Variants in R3HDM1 observed in about 807,000 individuals in gnomAD.
The protein encoded by R3HDM1 is R3H domain containing 1.
Under a neutral mutation model 141.1 loss-of-function variants are expected in R3HDM1, and 46 were observed. The ratio of observed to expected loss-of-function variants is 0.33; its 90% CI spans 0.26 to 0.42. The LOEUF (loss-of-function observed/expected upper bound fraction) is 0.42. R3HDM1 is among the 10% of genes least tolerant of loss of function. R3HDM1 has a pLI of 1.00. For synonymous variants in R3HDM1, 435 were observed against 472.9 expected (o/e 0.92, Z 1.04); for missense variants, 1,184 against 1,368.3 (o/e 0.87, Z 2.12).
chr2:135,649,562 TTGCTTTTAC>T (rs906234480), intron 16 of R3HDM1, among the ~76,000 whole-genome samples: 7 of 152,160 alleles, frequency 4.6e-5, no homozygotes, highest in African/African-American at 1.2e-4. Flanking sequence ...AGAAGTAGTT[TTGCTTTTAC>T]TGACTTAACC....
intron 18 of R3HDM1, among the ~76,000 whole-genome samples, chr2:135,660,009 C>T (rs1223983230): frequency 6.6e-6 from 1 of 152,052 alleles, no homozygotes; most frequent in Non-Finnish European, 1.5e-5. Context: ...TGATACATGA[C>T]TGTATGAGAA....
At chr2:135,562,743 C>G (rs1222294108) in intron 1 of R3HDM1, among the ~76,000 whole-genome samples, 3 of 152,198 alleles carry the variant, frequency 2.0e-5, no homozygotes, top group Admixed American at 6.5e-5. Context: ...CATACTTTAT[C>G]AGGTATCTTT....
At chr2:135,599,782 C>T (rs935374827) in intron 1 of R3HDM1, among the ~76,000 whole-genome samples, 4 of 152,196 alleles carry the variant, frequency 2.6e-5, no homozygotes, top group African/African-American at 7.2e-5. Flanking sequence ...CCTGTAATCC[C>T]GGCACTTTGG....
chr2:135,567,843 A>C (rs959474819), intron 1 of R3HDM1, among the ~76,000 whole-genome samples: 5 of 149,608 alleles, frequency 3.3e-5, no homozygotes, highest in African/African-American at 1.2e-4. Flanking sequence ...GGGCTCAGGT[A>C]ATTCTCGCAC....
chr2:135,716,026 T>A (rs1333251786), intron 24 of R3HDM1, among the ~76,000 whole-genome samples: 2 of 152,218 alleles, frequency 1.3e-5, no homozygotes, highest in East Asian at 3.8e-4. Flanking sequence ...TAGAGTAATA[T>A]ATATCAAAAG....
At chr2:135,557,036 T>G (rs1410030185) in intron 1 of R3HDM1, among the ~76,000 whole-genome samples, 1 of 152,226 alleles carries the variant, frequency 6.6e-6, no homozygotes, top group Non-Finnish European at 1.5e-5. Context: ...AGAAAGGTAC[T>G]GCTCTTTAAA....
chr2:135,693,481 G>A (rs1488789623), intron 21 of R3HDM1, among the ~76,000 whole-genome samples: 4 of 152,216 alleles, frequency 2.6e-5, no homozygotes, highest in Non-Finnish European at 5.9e-5. Flanking sequence ...TGTAGGGGGT[G>A]AGGAAGGAAG....
intron 1 of R3HDM1, among the ~76,000 whole-genome samples, chr2:135,549,582 C>G (rs59941166): frequency 1.7e-5 from 2 of 118,056 alleles, no homozygotes; most frequent in South Asian, 5.1e-4. Flanking sequence ...AAAAAAAAAA[C>G]AAAAACAAAA....
At chr2:135,605,139 A>G in intron 3 of R3HDM1, 123 bp downstream of exon 3, 2 of 836,546 alleles carry the variant, frequency 2.4e-6, no homozygotes, top group East Asian at 5.7e-5. Flanking sequence ...TGACATGCTT[A>G]CTAGCTGGTT....
chr2:135,709,370 C>G, intron 21 of R3HDM1, 63 bp from the exon 22 acceptor site: 1 of 1,599,490 alleles, frequency 6.3e-7, no homozygotes, highest in Non-Finnish European at 8.5e-7. Context: ...CCGCGCCCAG[C>G]CCATTCAAGA....
At chr2:135,639,575 G>C (rs1039435485) in intron 14 of R3HDM1, among the ~76,000 whole-genome samples, 3 of 151,784 alleles carry the variant, frequency 2.0e-5, no homozygotes, top group Admixed American at 2.0e-4. Context: ...AAATTAAATT[G>C]CTGAGGAGAT....
intron 6 of R3HDM1, 195 bp downstream of exon 6, chr2:135,621,803 A>G: frequency 3.1e-6 from 3 of 963,644 alleles, no homozygotes; most frequent in Non-Finnish European, 3.6e-6. Context: ...CGTTTCAGCC[A>G]AAAATGCAAC....
intron 1 of R3HDM1, among the ~76,000 whole-genome samples, chr2:135,591,899 C>G (rs190816222): frequency 6.6e-6 from 1 of 152,274 alleles, no homozygotes; most frequent in Non-Finnish European, 1.5e-5. Flanking sequence ...TTTGTTCTCT[C>G]CCCATGAGGT....
chr2:135,533,058 A>C (rs1196933321), intron 1 of R3HDM1, among the ~76,000 whole-genome samples: 1 of 152,216 alleles, frequency 6.6e-6, no homozygotes, highest in African/African-American at 2.4e-5. Context: ...ATGGTGGCTT[A>C]ATGATCTTCT....
At chr2:135,594,940 C>T (rs1710234372) in intron 1 of R3HDM1, among the ~76,000 whole-genome samples, 1 of 151,686 alleles carries the variant, frequency 6.6e-6, no homozygotes, top group African/African-American at 2.4e-5. Flanking sequence ...CTTTCCTCCT[C>T]AATCCTTAAG....
At chr2:135,559,664 T>A (rs1488215896) in intron 1 of R3HDM1, among the ~76,000 whole-genome samples, 1 of 152,240 alleles carries the variant, frequency 6.6e-6, no homozygotes, top group Non-Finnish European at 1.5e-5. Flanking sequence ...TGCAGTAGGA[T>A]CCAACTATTT....
At chr2:135,603,196 G>T (rs1357163918) in intron 2 of R3HDM1, among the ~76,000 whole-genome samples, 1 of 152,014 alleles carries the variant, frequency 6.6e-6, no homozygotes, top group East Asian at 1.9e-4. Flanking sequence ...CGCCATGTTG[G>T]CCAAGCTGGT....
chr2:135,634,795 G>A (rs2063094247), intron 9 of R3HDM1, among the ~76,000 whole-genome samples: 1 of 152,172 alleles, frequency 6.6e-6, no homozygotes, highest in Non-Finnish European at 1.5e-5. Flanking sequence ...CTACCTAGGA[G>A]TTCAATGAGA....
intron 1 of R3HDM1, among the ~76,000 whole-genome samples, chr2:135,576,054 G>A (rs1705349618): frequency 1.3e-5 from 2 of 152,124 alleles, no homozygotes; most frequent in South Asian, 4.2e-4. Context: ...AAATAGAGAA[G>A]TGGAATAGAA....
Sources: gnomAD v4.1 joint callset for allele counts (sites outside exome capture counted in the v4.1 genomes callset) on GRCh38, gnomAD v4.1.1 for gene constraint, MANE v1.5 for transcripts, NCBI Gene and HGNC (gene_info 2026-07-23, HGNC 2026-07-21) for gene names.